ARHGAP15: variants seen among roughly 807,000 people sequenced by gnomAD.
ARHGAP15 encodes Rho GTPase activating protein 15.
ARHGAP15 carries 51 observed loss-of-function variants against 63.7 expected under a neutral mutation model. The observed-to-expected ratio is 0.80, with a 90% CI of 0.64 to 1.01. The LOEUF (loss-of-function observed/expected upper bound fraction) is 1.01, where lower values mean the gene tolerates loss of function less well. ARHGAP15 is among the 50% of genes least tolerant of loss of function. ARHGAP15 has a pLI of 0.00. For synonymous variants in ARHGAP15, 191 were observed against 193.8 expected, an observed-to-expected ratio of 0.99 and a Z score of 0.12; for missense variants, 560 against 564.6, an observed-to-expected ratio of 0.99 and a Z score of 0.08.
chr2:143,533,298 A>G (rs1694600822), intron 10 of ARHGAP15: 1 of 152,218 alleles, frequency 6.6e-6, no homozygotes, highest in African/African-American at 2.4e-5. Context: ...CGAAAACAAG[A>G]GAAGACGTGT....
chr2:143,209,185 ACT>A (rs944699584), intron 3 of ARHGAP15, among the ~76,000 whole-genome samples: 36 of 151,920 alleles, frequency 2.4e-4, no homozygotes, highest in African/African-American at 8.7e-4. Flanking sequence ...CTGCTGAAAA[ACT>A]CTAAAAGCTC....
At chr2:143,144,706 C>T (rs1380352874) in intron 1 of ARHGAP15, among the ~76,000 whole-genome samples, 4 of 151,978 alleles carry the variant, frequency 2.6e-5, no homozygotes, top group African/African-American at 7.2e-5. Context: ...GCTACCTACT[C>T]ATTTATCTCT....
chr2:143,380,903 C>T (rs185022821), intron 6 of ARHGAP15, among the ~76,000 whole-genome samples: 1 of 148,602 alleles, frequency 6.7e-6, no homozygotes, highest in East Asian at 1.9e-4. Flanking sequence ...AGGTGCGGCT[C>T]TGAATACTTA....
intron 6 of ARHGAP15, among the ~76,000 whole-genome samples, chr2:143,287,119 TTC>T (rs1430010928): frequency 1.3e-5 from 2 of 152,180 alleles, no homozygotes; most frequent in Non-Finnish European, 2.9e-5. Context: ...ATAATTCTGT[TTC>T]TGTTTCTTGG....
At chr2:143,412,261 A>G (rs1688479300) in intron 6 of ARHGAP15, among the ~76,000 whole-genome samples, 1 of 151,980 alleles carries the variant, frequency 6.6e-6, no homozygotes, top group Non-Finnish European at 1.5e-5. Flanking sequence ...AGTAGAAACA[A>G]GGGTGATTAA....
chr2:143,543,337 T>A (rs1695185924), intron 10 of ARHGAP15, among the ~76,000 whole-genome samples: 1 of 152,188 alleles, frequency 6.6e-6, no homozygotes, highest in African/African-American at 2.4e-5. Context: ...GCCATTTGTA[T>A]GTCTTTTTTT....
chr2:143,626,029 T>C (rs1318719253), intron 12 of ARHGAP15, among the ~76,000 whole-genome samples: 2 of 152,122 alleles, frequency 1.3e-5, no homozygotes, highest in East Asian at 3.9e-4. Context: ...CTTTTGAATT[T>C]CTCTAAGGAG....
At chr2:143,236,017 A>T in intron 5 of ARHGAP15, 1 of 1,536,034 alleles carries the variant, frequency 6.5e-7, no homozygotes, top group Non-Finnish European at 8.8e-7. Context: ...ATTTTTGGTT[A>T]AACAAAACCC....
At chr2:143,631,404 T>C (rs1295936914) in intron 12 of ARHGAP15, among the ~76,000 whole-genome samples, 2 of 152,066 alleles carry the variant, frequency 1.3e-5, no homozygotes, top group Non-Finnish European at 2.9e-5. Context: ...GCTAAGCTGT[T>C]TTCCAAAGTC....
intron 12 of ARHGAP15, among the ~76,000 whole-genome samples, chr2:143,702,231 T>G (rs1402468203): frequency 6.6e-6 from 1 of 152,168 alleles, no homozygotes; most frequent in African/African-American, 2.4e-5. Context: ...TAATTATACC[T>G]CTAGATGATA....
chr2:143,520,777 A>G (rs1553494983), intron 10 of ARHGAP15, among the ~76,000 whole-genome samples: 1 of 152,170 alleles, frequency 6.6e-6, no homozygotes, highest in African/African-American at 2.4e-5. Context: ...TCATCCACTT[A>G]TAAATACTCA....
intron 6 of ARHGAP15, among the ~76,000 whole-genome samples, chr2:143,333,697 G>T (rs1684648256): frequency 6.6e-6 from 1 of 152,104 alleles, no homozygotes; most frequent in Non-Finnish European, 1.5e-5. Context: ...TATAGCACCG[G>T]CTAAGAGCAA....
intron 13 of ARHGAP15, among the ~76,000 whole-genome samples, chr2:143,732,446 G>T (rs907196077): frequency 1.2e-4 from 19 of 152,078 alleles, no homozygotes; most frequent in African/African-American, 4.6e-4. Flanking sequence ...CTTTGTGGAA[G>T]TATTAATCAG....
intron 1 of ARHGAP15, among the ~76,000 whole-genome samples, chr2:143,151,580 C>T (rs1315214181): frequency 6.6e-6 from 1 of 151,878 alleles, no homozygotes; most frequent in Non-Finnish European, 1.5e-5. Context: ...CTAAGTGATT[C>T]AGAGGTAAGA....
intron 8 of ARHGAP15, among the ~76,000 whole-genome samples, chr2:143,482,715 C>T (rs1410816287): frequency 6.6e-6 from 1 of 152,184 alleles, no homozygotes; most frequent in Non-Finnish European, 1.5e-5. Flanking sequence ...TATTCAAAGA[C>T]TTTTACGGCT....
At chr2:143,477,817 C>T (rs1343215206) in intron 8 of ARHGAP15, among the ~76,000 whole-genome samples, 1 of 152,196 alleles carries the variant, frequency 6.6e-6, no homozygotes, top group Admixed American at 6.5e-5. Context: ...ATCCTGAACT[C>T]TTACACTCAG....
intron 6 of ARHGAP15, among the ~76,000 whole-genome samples, chr2:143,297,879 A>G (rs1682715579): frequency 6.6e-6 from 1 of 152,004 alleles, no homozygotes; most frequent in Non-Finnish European, 1.5e-5. Context: ...AAACAGTATA[A>G]TTGAGGACTA....
chr2:143,548,691 A>C (rs1328715829), intron 10 of ARHGAP15, among the ~76,000 whole-genome samples: 1 of 152,088 alleles, frequency 6.6e-6, no homozygotes, highest in Admixed American at 6.6e-5. Flanking sequence ...ATAATCAAAA[A>C]TGAGCCAATA....
intron 13 of ARHGAP15, among the ~76,000 whole-genome samples, chr2:143,749,440 T>C (rs1461406404): frequency 6.6e-6 from 1 of 152,202 alleles, no homozygotes; most frequent in Non-Finnish European, 1.5e-5. Context: ...TCTTCCTTCA[T>C]GATGCCACAT....
Sources: allele counts gnomAD v4.1 joint callset (sites outside exome capture counted in the v4.1 genomes callset), GRCh38; gene constraint gnomAD v4.1.1; transcripts MANE v1.5; gene names NCBI Gene and HGNC (gene_info 2026-07-23, HGNC 2026-07-21).